NCAM2: variants seen among roughly 807,000 people sequenced by gnomAD.
NCAM2 encodes N-CAM-2.
NCAM2 carries 30 observed loss-of-function variants against 98.1 expected under a neutral mutation model. The observed-to-expected ratio is 0.31, with a 90% CI of 0.23 to 0.41. The LOEUF (loss-of-function observed/expected upper bound fraction) is 0.41. NCAM2 is among the 10% of genes least tolerant of loss of function. The pLI, the probability that NCAM2 is intolerant of heterozygous loss-of-function variation, is 1.00. For missense variants in NCAM2, 867 were observed against 1,005.8 expected (o/e 0.86, Z 1.87); for synonymous variants, 368 against 342.4 (o/e 1.07, Z -0.83).
At chr21:21,289,838 A>C (rs972648558) in intron 4 of NCAM2, among the ~76,000 whole-genome samples, 1 of 151,952 alleles carries the variant, frequency 6.6e-6, no homozygotes, top group African/African-American at 2.4e-5. Flanking sequence ...AGTTGAGAAG[A>C]ATATTTGTAT....
rs546372606 is a variant in NCAM2 at position 21,035,760 on chromosome 21, C to T, written c.55+37142C>T. 5.3e-5 allele frequency among the ~76,000 whole-genome samples: 8 copies of T among 152,154 alleles called. No individual in the cohort carries two copies. In the South Asian group the frequency reaches 1.0e-3, roughly 20 times the overall value. ...TTTGATAAGAGTGTTTTCCATAAAC[C>T]TGCTTGAACACACACTTTAGGATTT... On this transcript the variant is annotated intron_variant, in intron 1 of 17. Coordinates refer to ENST00000400546, the MANE Select transcript of NCAM2 (RefSeq NM_004540.5).
At chr21:21,223,444 A>G (rs1354793393) in intron 1 of NCAM2, 1 of 152,158 alleles carries the variant, frequency 6.6e-6, no homozygotes, top group Non-Finnish European at 1.5e-5. Flanking sequence ...CCAATGTGTC[A>G]CAAAGCTCAT....
At chr21:21,271,510 T>G (rs2072497866) in intron 1 of NCAM2, among the ~76,000 whole-genome samples, 1 of 152,238 alleles carries the variant, frequency 6.6e-6, no homozygotes, top group South Asian at 2.1e-4. Context: ...TAAACTTTCT[T>G]TGTGCTTTCT....
intron 1 of NCAM2, among the ~76,000 whole-genome samples, chr21:21,249,934 G>A (rs780848233): frequency 1.3e-5 from 2 of 152,130 alleles, no homozygotes; most frequent in African/African-American, 2.4e-5. Flanking sequence ...AATGAATGAA[G>A]CATACCACCA....
At position 21,088,840 on chromosome 21, in the gene NCAM2, C is replaced by T. The variant is rs192640464; in HGVS notation, c.55+90222C>T. On this transcript the variant is annotated intron_variant, in intron 1 of 17. Transcript: ENST00000400546. ...AAAAAAAATTAGCCGGGCGTGGTGGCGGGCGCCTGTAGTCCCAGCTACTCG... is the reference window on the plus strand; with the variant it reads ...AAAAAAAATTAGCCGGGCGTGGTGGTGGGCGCCTGTAGTCCCAGCTACTCG... Among the ~76,000 whole-genome samples, 608 of 151,916 alleles carry T rather than the reference C, an allele frequency of 4.0e-3. 6 individuals are homozygous for T. The highest frequency in any genetic ancestry group is 0.014 in the African/African-American group (570 of 41,440).
rs538548452 is a variant in NCAM2 at position 21,367,423 on chromosome 21, G to A, written c.1045-6440G>A. 5.3e-5 allele frequency among the ~76,000 whole-genome samples: 8 copies of A among 151,884 alleles called. 2 individuals are homozygous for A. The East Asian group carries it at 1.6e-3, about 30-fold the overall frequency. On this transcript the variant is annotated intron_variant, in intron 8 of 17. Coordinates refer to ENST00000400546, the MANE Select transcript of NCAM2 (RefSeq NM_004540.5). ...CCTATAGTAGTTATTTGTCCTAATT[G>A]TATTTTGTCTTTTACTAAATATATT...
intron 6 of NCAM2, among the ~76,000 whole-genome samples, chr21:21,334,863 C>A (rs201980662): frequency 2.6e-5 from 4 of 151,292 alleles, no homozygotes; most frequent in South Asian, 2.1e-4. Flanking sequence ...AGAAAAAAAA[C>A]CTTAAAAATA....
intron 9 of NCAM2, among the ~76,000 whole-genome samples, chr21:21,382,155 A>G (rs1455566225): frequency 6.6e-6 from 1 of 152,088 alleles, no homozygotes; most frequent in Admixed American, 6.5e-5. Flanking sequence ...TTTGATTAGG[A>G]TAAGTCTAAG....
intron 8 of NCAM2, among the ~76,000 whole-genome samples, chr21:21,356,287 A>G (rs1290255687): frequency 1.3e-5 from 2 of 152,108 alleles, no homozygotes; most frequent in Admixed American, 6.6e-5. Context: ...ATTCTTTATT[A>G]TATACTTACA....
At chr21:21,369,463 A>C (rs149145120) in intron 8 of NCAM2, among the ~76,000 whole-genome samples, 1 of 151,842 alleles carries the variant, frequency 6.6e-6, no homozygotes, top group African/African-American at 2.4e-5. Context: ...GTGTGGACAT[A>C]TATCTTCATT....
intron 11 of NCAM2, among the ~76,000 whole-genome samples, chr21:21,429,786 T>C (rs1193789403): frequency 6.6e-6 from 1 of 152,176 alleles, no homozygotes; most frequent in African/African-American, 2.4e-5. Flanking sequence ...TGTTTGAACC[T>C]TAGAGTTGTA....
At position 21,324,427 on chromosome 21, in the gene NCAM2, G is replaced by A. The variant is rs1220522702; in HGVS notation, c.664G>A (p.Ala222Thr). 3 of 1,613,742 alleles carry A rather than the reference G, an allele frequency of 1.9e-6. No individual in the cohort carries two copies. The highest frequency in any genetic ancestry group is 2.5e-6 in the Non-Finnish European group (3 of 1,179,806). ...GCCTCAGAAATCTTTTAATGCCACA[G>A]CAGAGAGAGGAGAAGAAATGACATT... The part of the protein sequence containing the change: ...SMPQKSFNAT[A>T]ERGEEMTFSC... Residue 222 changes from alanine to threonine, a missense_variant, in exon 6 of 18, where the codon GCA (alanine) becomes ACA (threonine). By Grantham distance (58) the Ala-to-Thr change is moderately conservative. Around this residue, in one of 5 missense-constraint regions of NCAM2, gnomAD observed 447 missense variants for 495.7 expected, o/e 0.90. Coordinates refer to ENST00000400546, the MANE Select transcript of NCAM2 (RefSeq NM_004540.5).
At chr21:21,122,734 GT>G (rs946231434) in intron 1 of NCAM2, among the ~76,000 whole-genome samples, 9 of 152,158 alleles carry the variant, frequency 5.9e-5, no homozygotes, top group African/African-American at 2.2e-4. Context: ...GGGTCAAAGA[GT>G]TTTTGGAAGC....
At chr21:21,476,349 G>C (rs553580327) in intron 14 of NCAM2, among the ~76,000 whole-genome samples, 1 of 151,858 alleles carries the variant, frequency 6.6e-6, no homozygotes, top group African/African-American at 2.4e-5. Context: ...TTTTTAAGTG[G>C]TTATGATCTC....
intron 12 of NCAM2, among the ~76,000 whole-genome samples, chr21:21,433,742 C>A (rs866066974): frequency 2.9e-5 from 3 of 105,208 alleles, no homozygotes; most frequent in East Asian, 2.9e-4. Flanking sequence ...GACTCCATCT[C>A]AATAAAATAA....
intron 1 of NCAM2, among the ~76,000 whole-genome samples, chr21:21,112,783 A>T (rs1316013426): frequency 3.3e-5 from 5 of 152,194 alleles, no homozygotes; most frequent in African/African-American, 1.2e-4. Flanking sequence ...AGTCAGCAAG[A>T]TGAAACAAGT....
At chr21:21,447,506 G>A (rs949398267) in intron 12 of NCAM2, among the ~76,000 whole-genome samples, 9 of 152,082 alleles carry the variant, frequency 5.9e-5, no homozygotes, top group African/African-American at 1.4e-4. Context: ...ACTTCATGAC[G>A]AAAAGCCAAA....
At chr21:21,511,240 T>A (rs1043717566) in intron 16 of NCAM2, among the ~76,000 whole-genome samples, 9 of 152,134 alleles carry the variant, frequency 5.9e-5, no homozygotes, top group African/African-American at 1.9e-4. Flanking sequence ...TGTATTTTCA[T>A]ACCCATTAAC....
At chr21:21,137,693 G>C (rs2067087094) in intron 1 of NCAM2, among the ~76,000 whole-genome samples, 1 of 152,176 alleles carries the variant, frequency 6.6e-6, no homozygotes, top group African/African-American at 2.4e-5. Context: ...AGGAGGCAGA[G>C]GTTGCAGTGA....
Sources: allele counts gnomAD v4.1 joint callset (sites outside exome capture counted in the v4.1 genomes callset), GRCh38; gene constraint gnomAD v4.1.1; regional missense constraint gnomAD v4.1.1; transcripts MANE v1.5; gene names NCBI Gene and HGNC (gene_info 2026-07-23, HGNC 2026-07-21).